CCDC102B: variants seen among roughly 807,000 people sequenced by gnomAD.
CCDC102B encodes the protein coiled-coil domain containing 102B, also known as coiled-coil domain-containing protein 102B.
CCDC102B carries 75 observed loss-of-function variants against 57.4 expected under a neutral mutation model. The observed-to-expected ratio is 1.31, with a 90% CI of 1.08 to 1.58. The LOEUF is 1.58. Ranked by LOEUF, CCDC102B falls within the 40% of genes most tolerant of loss-of-function variation. The probability of loss-of-function intolerance (pLI) is 0.00; values close to 1 mark genes in which losing one functional copy is unlikely to be tolerated. For synonymous variants in CCDC102B, 206 were observed against 201.9 expected (o/e 1.02, Z -0.17); for missense variants, 636 against 582.6 (o/e 1.09, Z -0.94).
chr18:69,004,209 G>A (rs946050947), intron 6 of CCDC102B, among the ~76,000 whole-genome samples: 2 of 152,128 alleles, frequency 1.3e-5, no homozygotes, highest in Non-Finnish European at 2.9e-5. Context: ...TGTTACCTGG[G>A]AAGCAGATTC....
At chr18:68,943,884 G>A (rs2049458095) in intron 6 of CCDC102B, among the ~76,000 whole-genome samples, 1 of 152,078 alleles carries the variant, frequency 6.6e-6, no homozygotes, top group Non-Finnish European at 1.5e-5. Flanking sequence ...AAGAATCAAA[G>A]AAACAAATGG....
At chr18:68,806,786 AT>A (rs2036049088) in intron 1 of CCDC102B, among the ~76,000 whole-genome samples, 1 of 152,198 alleles carries the variant, frequency 6.6e-6, no homozygotes, top group Non-Finnish European at 1.5e-5. Flanking sequence ...TCTTTCAAAA[AT>A]ATCACTTCAA....
intron 7 of CCDC102B, among the ~76,000 whole-genome samples, chr18:69,052,982 A>T (rs1243826909): frequency 6.6e-6 from 1 of 151,920 alleles, no homozygotes; most frequent in African/African-American, 2.4e-5. Flanking sequence ...ACCCCATTTT[A>T]TATTAGTGAC....
chr18:68,953,374 T>TG (rs2049754460), intron 6 of CCDC102B, among the ~76,000 whole-genome samples: 1 of 131,202 alleles, frequency 7.6e-6, no homozygotes. Context: ...TTTTTTTTTT[T>TG]GACAACAGCG....
In CCDC102B at chr18:68,897,363, T is replaced by G. The variant is rs150871246; in HGVS notation, c.1198T>G (p.Leu400Val). The G allele has an allele frequency of 1.2e-6, 2 of 1,612,828 alleles. No homozygotes were observed. The highest frequency in any genetic ancestry group is 2.7e-5 in the African/African-American group (2 of 74,790). The change falls in exon 6 of 8, where the codon TTA (leucine) becomes GTA (valine). Residue 400 changes from leucine to valine, a missense_variant. Transcript: ENST00000360242. The part of the protein sequence containing the change: ...MEELLDKKNR[L>V]SANSQSPDFK... ...AGAGCTTTTGGATAAGAAAAATAGA[T>G]TAAGTGCAAACTCTCAAAGTCCTGA...
chr18:68,936,743 T>C lies in CCDC102B; in HGVS notation c.1263+39315T>C, dbSNP rs557437701. ...CAGTTCAGAAACTTGTCAGGACAACTTTCATATATATATATATATACACAC... is the reference window on the plus strand; with the variant it reads ...CAGTTCAGAAACTTGTCAGGACAACCTTCATATATATATATATATACACAC... On this transcript the variant is annotated intron_variant, in intron 6 of 7. Transcript: ENST00000360242. Among the ~76,000 whole-genome samples, 9 of 109,178 alleles carry C rather than the reference T, an allele frequency of 8.2e-5. No individual in the cohort carries two copies. In the South Asian group the frequency reaches 2.6e-3, roughly 31 times the overall value. 71.6% of individuals were successfully genotyped at this position (109,178 alleles called of 152,430 possible).
intron 6 of CCDC102B, among the ~76,000 whole-genome samples, chr18:68,911,692 C>T (rs1162626000): frequency 2.4e-5 from 3 of 127,534 alleles, no homozygotes; most frequent in African/African-American, 3.3e-5. Context: ...GCGGAGCTTG[C>T]AGTGAGCCGA....
intron 5 of CCDC102B, among the ~76,000 whole-genome samples, chr18:68,890,034 G>A (rs967585219): frequency 7.9e-5 from 12 of 152,206 alleles, no homozygotes; most frequent in Middle Eastern, 3.4e-3. Context: ...TAGGATGCTG[G>A]CCATCTTCAC....
rs2051866751 is a variant in CCDC102B at position 69,022,309 on chromosome 18, A to G, written c.1434+11205A>G. Among the ~76,000 whole-genome samples the G allele has an allele frequency of 2.0e-5, 3 of 150,266 alleles. No individual in the cohort carries two copies. In the Admixed American group the frequency reaches 2.0e-4, roughly 10 times the overall value. On this transcript the variant is annotated intron_variant, in intron 7 of 7. Transcript: ENST00000360242. Reference sequence around the variant, plus strand: ...TATGTGGGCACACACACACACATATATATGGGCCATATATATATGTGTGTA... The same window carrying G: ...TATGTGGGCACACACACACACATATGTATGGGCCATATATATATGTGTGTA...
intron 6 of CCDC102B, among the ~76,000 whole-genome samples, chr18:68,911,098 G>C (rs527939384): frequency 6.6e-6 from 1 of 152,188 alleles, no homozygotes; most frequent in South Asian, 2.1e-4. Flanking sequence ...CATACCCAAA[G>C]GAATATAAAT....
rs143133287 is a variant in CCDC102B at position 68,953,251 on chromosome 18, G to A, written c.1263+55823G>A. On this transcript the variant is annotated intron_variant, in intron 6 of 7. Coordinates refer to ENST00000360242, the MANE Select transcript of CCDC102B (RefSeq NM_024781.3). ...ATTGTAAAGATGTTCTATTTTTCAC[G>A]TTTAGGAACCTATGTACAGTTTTTT... Among the ~76,000 whole-genome samples the A allele has an allele frequency of 3.6e-4, 55 of 151,624 alleles. 1 individual carries two copies. The highest frequency in any genetic ancestry group is 1.1e-3 in the African/African-American group (47 of 41,396).
At chr18:68,926,312 AATGACTACTTCT>A in intron 6 of CCDC102B, among the ~76,000 whole-genome samples, 1 of 151,910 alleles carries the variant, frequency 6.6e-6, no homozygotes, top group South Asian at 2.1e-4. Context: ...ATAATTTTTT[AATGACTACTTCT>A]GCCTTTAAAA....
In CCDC102B at chr18:68,874,799, TAA is replaced by T; in HGVS notation, c.1053+16_1053+17del. The T allele has an allele frequency of 7.1e-7, 1 of 1,412,902 alleles. No individual in the cohort carries two copies. Among genetic ancestry groups the T allele is most frequent in the Non-Finnish European group, 1.0e-6 (1 of 998,390 alleles). 87.5% of individuals were successfully genotyped at this position (1,412,902 alleles called of 1,614,324 possible). On this transcript the variant is annotated intron_variant, in intron 5 of 7. Coordinates refer to ENST00000360242, the MANE Select transcript of CCDC102B (RefSeq NM_024781.3). ...TTAAGAGCAGAGGTAAGACACTGGG[TAA>T]AGAGTACCATATATATTAAAACATA...
intron 6 of CCDC102B, among the ~76,000 whole-genome samples, chr18:68,961,088 A>G (rs563662103): frequency 1.7e-4 from 26 of 152,254 alleles, no homozygotes; most frequent in Middle Eastern, 3.4e-3. Flanking sequence ...TGAATATATT[A>G]AATAATAAAC....
intron 2 of CCDC102B, among the ~76,000 whole-genome samples, chr18:68,790,043 CT>C (rs1235187767): frequency 6.8e-6 from 1 of 148,062 alleles, no homozygotes; most frequent in African/African-American, 2.6e-5. Context: ...AGTTTTCCTT[CT>C]AACAGACAGG....
intron 2 of CCDC102B, among the ~76,000 whole-genome samples, chr18:68,781,570 G>A (rs1022883151): frequency 5.9e-5 from 9 of 152,080 alleles, no homozygotes; most frequent in African/African-American, 1.7e-4. Flanking sequence ...TTTGACATCC[G>A]TGACTTCTGT....
intron 2 of CCDC102B, among the ~76,000 whole-genome samples, chr18:68,775,089 GAAATA>G (rs1431890572): frequency 6.7e-6 from 1 of 150,230 alleles, no homozygotes; most frequent in Non-Finnish European, 1.5e-5. Context: ...GTCACATATA[GAAATA>G]TCCCTCATTC....
intron 2 of CCDC102B, 55 bp downstream of exon 2, chr18:68,837,424 G>C: frequency 6.6e-7 from 1 of 1,516,128 alleles, no homozygotes; most frequent in Non-Finnish European, 8.9e-7. Context: ...TATAGTGATG[G>C]GGAGGAAGAA....
chr18:68,969,895 A>C (rs771506463), intron 6 of CCDC102B, among the ~76,000 whole-genome samples: 8 of 152,094 alleles, frequency 5.3e-5, no homozygotes, highest in Non-Finnish European at 1.0e-4. Context: ...TTTTAAAATT[A>C]CTTAGTTGCC....
Sources: allele counts gnomAD v4.1 joint callset (sites outside exome capture counted in the v4.1 genomes callset), GRCh38; gene constraint gnomAD v4.1.1; transcripts MANE v1.5; gene names NCBI Gene and HGNC (gene_info 2026-07-23, HGNC 2026-07-21).